Variants in NRG1 observed in about 807,000 individuals in gnomAD.
NRG1 encodes pro-neuregulin-1, membrane-bound isoform.
A neutral mutation model predicts 63.8 loss-of-function variants in NRG1; 18 were observed. The ratio of observed to expected loss-of-function variants is 0.28; its 90% confidence interval spans 0.19 to 0.42. The LOEUF (loss-of-function observed/expected upper bound fraction) is 0.42. Ranked by LOEUF, NRG1 falls within the 10% of genes least tolerant of loss-of-function variation. NRG1 has a pLI of 1.00. For missense variants in NRG1, 762 were observed against 814.7 expected (o/e 0.94, Z 0.79); for synonymous variants, 302 against 301.3 (o/e 1.00, Z -0.02).
intron 1 of NRG1, among the ~76,000 whole-genome samples, chr8:32,113,944 C>T (rs940498630): frequency 6.6e-6 from 1 of 152,172 alleles, no homozygotes; most frequent in African/African-American, 2.4e-5. Flanking sequence ...ACTTCTGGTA[C>T]ATAATTAGCA....
At chr8:32,656,654 T>C (rs1801560428) in intron 5 of NRG1, among the ~76,000 whole-genome samples, 1 of 152,188 alleles carries the variant, frequency 6.6e-6, no homozygotes, top group Non-Finnish European at 1.5e-5. Flanking sequence ...TTGATTGTTA[T>C]TCACTCAAGT....
In NRG1 at chr8:32,417,742, G is replaced by T. The variant is rs189613299; in HGVS notation, c.38-178086G>T. On this transcript the variant is annotated intron_variant, in intron 1 of 10. Coordinates refer to the NRG1 transcript ENST00000519301. ...CACACGGGGGTGGAGGGGGAGGGGG[G>T]GTGTGTTATAGAAGTAGCTCTAGAT... 1.5e-3 allele frequency among the ~76,000 whole-genome samples: 231 copies of T among 149,066 alleles called. 4 individuals carry two copies. The Middle Eastern group carries it at 0.025, about 16-fold the overall frequency.
At chr8:32,332,133 T>C (rs1802729674) in intron 1 of NRG1, among the ~76,000 whole-genome samples, 1 of 151,572 alleles carries the variant, frequency 6.6e-6, no homozygotes, top group Non-Finnish European at 1.5e-5. Flanking sequence ...TTTTTAAAAA[T>C]AAAAAAATAT....
upstream of NRG1, among the ~76,000 whole-genome samples, chr8:32,546,308 C>CT (rs71541825): frequency 7.3e-6 from 1 of 136,782 alleles, no homozygotes; most frequent in African/African-American, 2.6e-5. Flanking sequence ...TTTTGAGCTT[C>CT]TTTTTTTTAA....
intron 1 of NRG1, among the ~76,000 whole-genome samples, chr8:32,051,172 T>C (rs1390798248): frequency 6.6e-6 from 1 of 152,044 alleles, no homozygotes; most frequent in South Asian, 2.1e-4. Flanking sequence ...TTAATGAATG[T>C]GTGTATTTTC....
intron 5 of NRG1, among the ~76,000 whole-genome samples, chr8:32,698,442 G>A (rs1167546995): frequency 1.3e-5 from 2 of 152,274 alleles, no homozygotes; most frequent in East Asian, 3.9e-4. Flanking sequence ...GACTGATTTT[G>A]ATAATGTGCC....
chr8:31,795,337 G>A (rs1208199824), intron 1 of NRG1, among the ~76,000 whole-genome samples: 3 of 152,188 alleles, frequency 2.0e-5, no homozygotes, highest in Non-Finnish European at 4.4e-5. Context: ...TGTTTTGTGT[G>A]TGTCAGAGTG....
At chr8:32,449,817 C>A (rs899482483) in intron 1 of NRG1, among the ~76,000 whole-genome samples, 4 of 152,110 alleles carry the variant, frequency 2.6e-5, no homozygotes, top group Admixed American at 2.6e-4. Context: ...ATATATTCAG[C>A]TAAATCTTAA....
chr8:31,656,683 G>A (rs1805464660), intron 1 of NRG1, among the ~76,000 whole-genome samples: 1 of 152,130 alleles, frequency 6.6e-6, no homozygotes, highest in African/African-American at 2.4e-5. Flanking sequence ...CTAACGTGTT[G>A]CTGAAGGTCA....
chr8:32,459,026 A>G (rs1417588088), intron 1 of NRG1, among the ~76,000 whole-genome samples: 1 of 152,200 alleles, frequency 6.6e-6, no homozygotes. Context: ...AATACCATAC[A>G]TATACTGATG....
chr8:31,923,736 G>T (rs138718867), intron 1 of NRG1, among the ~76,000 whole-genome samples: 1 of 151,386 alleles, frequency 6.6e-6, no homozygotes, highest in African/African-American at 2.4e-5. Context: ...ATGTCCATAG[G>T]GTACAAGTGC....
intron 1 of NRG1, among the ~76,000 whole-genome samples, chr8:32,583,894 C>T (rs1841150754): frequency 6.6e-6 from 1 of 152,144 alleles, no homozygotes. Flanking sequence ...GCTAAGTGAG[C>T]TTCATTTTGA....
intron 1 of NRG1, among the ~76,000 whole-genome samples, chr8:31,847,173 A>T (rs966407417): frequency 6.6e-6 from 1 of 152,198 alleles, no homozygotes; most frequent in African/African-American, 2.4e-5. Context: ...ATTGCATCTC[A>T]TTGGTGTTAC....
At chr8:32,694,283 C>T (rs1446341814) in intron 5 of NRG1, among the ~76,000 whole-genome samples, 1 of 152,150 alleles carries the variant, frequency 6.6e-6, no homozygotes, top group African/African-American at 2.4e-5. Flanking sequence ...AGATGTTCAT[C>T]GTAATACTTT....
intron 7 of NRG1, among the ~76,000 whole-genome samples, chr8:32,744,723 C>T (rs1239926274): frequency 6.6e-6 from 1 of 152,026 alleles, no homozygotes; most frequent in Non-Finnish European, 1.5e-5. Flanking sequence ...AATGTTCAGG[C>T]ACTATATAAA....
chr8:32,054,090 A>G (rs2130836528), intron 1 of NRG1, among the ~76,000 whole-genome samples: 1 of 152,340 alleles, frequency 6.6e-6, no homozygotes, highest in African/African-American at 2.4e-5. Context: ...ATGGCATTTT[A>G]TCCCTTAATC....
At chr8:32,276,742 G>A (rs1220575232) in intron 1 of NRG1, among the ~76,000 whole-genome samples, 1 of 152,096 alleles carries the variant, frequency 6.6e-6, no homozygotes, top group Non-Finnish European at 1.5e-5. Flanking sequence ...TAAATAGTGG[G>A]GAAATAGGAT....
intron 1 of NRG1, among the ~76,000 whole-genome samples, chr8:31,713,109 ATTTTTT>A (rs11304829): frequency 1.1e-3 from 98 of 86,042 alleles, no homozygotes; most frequent in Non-Finnish European, 2.1e-3. Context: ...ACTCCTTCTA[ATTTTTT>A]TTTTTTTTTT....
At chr8:32,456,172 T>TC (rs1221993233) in intron 1 of NRG1, among the ~76,000 whole-genome samples, 6 of 152,218 alleles carry the variant, frequency 3.9e-5, no homozygotes, top group African/African-American at 1.4e-4. Flanking sequence ...TAGAATTATT[T>TC]CCCATGTATG....
Sources: gnomAD v4.1 joint callset for allele counts (sites outside exome capture counted in the v4.1 genomes callset) on GRCh38, gnomAD v4.1.1 for gene constraint, MANE v1.5 for transcripts, NCBI Gene and HGNC (gene_info 2026-07-23, HGNC 2026-07-21) for gene names.